Variants in FRS2 observed in about 807,000 individuals in gnomAD.
FRS2 encodes the protein fibroblast growth factor receptor substrate 2, also known as FGFR signalling adaptor.
A neutral mutation model predicts 43.9 loss-of-function variants in FRS2; 8 were observed. The ratio of observed to expected loss-of-function variants is 0.18; its 90% confidence interval spans 0.11 to 0.33. FRS2 has a LOEUF of 0.33. Ranked by LOEUF, FRS2 falls within the 10% of genes least tolerant of loss-of-function variation. The pLI is 1.00. For missense variants in FRS2, 534 were observed against 627.6 expected (o/e 0.85, Z 1.59); for synonymous variants, 219 against 220.3 (o/e 0.99, Z 0.05).
At chr12:69,543,691 A>C (rs1361893842) in intron 3 of FRS2, among the ~76,000 whole-genome samples, 1 of 152,204 alleles carries the variant, frequency 6.6e-6, no homozygotes, top group Non-Finnish European at 1.5e-5. Flanking sequence ...ACCTGAAGCA[A>C]GTGAAGGAGC....
chr12:69,506,290 C>T (rs1255365270), intron 1 of FRS2, among the ~76,000 whole-genome samples: 3 of 151,864 alleles, frequency 2.0e-5, no homozygotes, highest in Admixed American at 1.3e-4. Flanking sequence ...TGTTTTTTCC[C>T]CTATATCCCC....
chr12:69,488,951 G>A (rs1872206337), intron 1 of FRS2, among the ~76,000 whole-genome samples: 1 of 152,206 alleles, frequency 6.6e-6, no homozygotes, highest in Admixed American at 6.5e-5. Context: ...GCATTAGGGA[G>A]TGATTTATGG....
intron 1 of FRS2, among the ~76,000 whole-genome samples, chr12:69,507,309 C>T (rs1380404961): frequency 1.3e-5 from 2 of 152,088 alleles, no homozygotes; most frequent in Non-Finnish European, 2.9e-5. Context: ...AAATACTTGG[C>T]ATTTTTTTTG....
chr12:69,527,110 C>T (rs931828404), intron 1 of FRS2, among the ~76,000 whole-genome samples: 1 of 152,110 alleles, frequency 6.6e-6, no homozygotes, highest in East Asian at 1.9e-4. Context: ...TATGGAATAA[C>T]AATCAGTCAT....
chr12:69,470,618 G>A, intron 1 of FRS2, 88 bp downstream of exon 1: 1 of 354,120 alleles, frequency 2.8e-6, no homozygotes. Flanking sequence ...TTCGGGATCC[G>A]GGCTGAGGGC....
chr12:69,563,556 C>G (rs1229548725), intron 4 of FRS2, among the ~76,000 whole-genome samples: 1 of 152,140 alleles, frequency 6.6e-6, no homozygotes, highest in Admixed American at 6.5e-5. Flanking sequence ...GCCCTCTTAC[C>G]CTCTGACCGT....
intron 1 of FRS2, chr12:69,480,359 T>G (rs1370336634): frequency 6.6e-6 from 1 of 152,256 alleles, no homozygotes; most frequent in Non-Finnish European, 1.5e-5. Flanking sequence ...AGGTACTTCA[T>G]GTAAGTGGAA....
intron 1 of FRS2, among the ~76,000 whole-genome samples, chr12:69,485,309 A>G (rs1871815676): frequency 6.6e-6 from 1 of 151,724 alleles, no homozygotes; most frequent in Non-Finnish European, 1.5e-5. Context: ...CAGCCTCCCA[A>G]GTAGCTGGGA....
intron 3 of FRS2, among the ~76,000 whole-genome samples, chr12:69,550,011 A>G (rs1593035674): frequency 6.6e-6 from 1 of 152,080 alleles, no homozygotes; most frequent in South Asian, 2.1e-4. Context: ...GTATGCTTGG[A>G]TCCGTAAGTT....
intron 1 of FRS2, among the ~76,000 whole-genome samples, chr12:69,500,362 C>T (rs1329837490): frequency 6.6e-6 from 1 of 152,128 alleles, no homozygotes; most frequent in Non-Finnish European, 1.5e-5. Flanking sequence ...CCCACACATC[C>T]TAAAGTGGGG....
At chr12:69,539,042 C>G (rs934864809) in intron 3 of FRS2, among the ~76,000 whole-genome samples, 1 of 151,996 alleles carries the variant, frequency 6.6e-6, no homozygotes, top group Admixed American at 6.6e-5. Context: ...ATCCTAAATG[C>G]TTGGGATCAG....
intron 1 of FRS2, among the ~76,000 whole-genome samples, chr12:69,521,683 TG>T (rs1875659568): frequency 1.3e-5 from 2 of 152,170 alleles, no homozygotes; most frequent in African/African-American, 4.8e-5. Flanking sequence ...TGGTGCGATT[TG>T]GCTCACTGCA....
At chr12:69,548,591 A>C (rs1878614870) in intron 3 of FRS2, among the ~76,000 whole-genome samples, 1 of 152,186 alleles carries the variant, frequency 6.6e-6, no homozygotes, top group South Asian at 2.1e-4. Flanking sequence ...TGTAATATAT[A>C]ATTACTGTAT....
chr12:69,555,378 A>G (rs1278712203), intron 3 of FRS2, among the ~76,000 whole-genome samples: 2 of 152,028 alleles, frequency 1.3e-5, no homozygotes, highest in East Asian at 1.9e-4. Flanking sequence ...TATCATGAAC[A>G]TTTTGTCTTT....
Position 69,571,451 on chromosome 12 carries a change from C to A in FRS2, c.412+17C>A. ...CACCTACAAGTAAGTACCCCTTTTC[C>A]CTTTCACATTTTGAATAACAGACGT... On this transcript the variant is annotated intron_variant, in intron 7 of 8. Transcript: ENST00000549921. 6.3e-7 allele frequency: 1 copy of A among 1,595,546 alleles called. No individual in the cohort carries two copies.
intron 5 of FRS2, among the ~76,000 whole-genome samples, chr12:69,570,052 A>G (rs1176243950): frequency 1.3e-5 from 2 of 152,218 alleles, no homozygotes; most frequent in Non-Finnish European, 2.9e-5. Flanking sequence ...CAACAACCTT[A>G]GACCACACTT....
At chr12:69,560,316 C>G (rs996184825) in intron 3 of FRS2, among the ~76,000 whole-genome samples, 3 of 152,012 alleles carry the variant, frequency 2.0e-5, no homozygotes, top group African/African-American at 4.8e-5. Flanking sequence ...TTCATAGTAG[C>G]TCTGTGAAGT....
intron 3 of FRS2, among the ~76,000 whole-genome samples, chr12:69,554,344 T>A (rs1374290561): frequency 6.6e-6 from 1 of 152,214 alleles, no homozygotes; most frequent in Admixed American, 6.5e-5. Context: ...AGTCTCTTTT[T>A]GTGGGTTTAT....
chr12:69,531,297 T>C (rs892281051), intron 2 of FRS2, among the ~76,000 whole-genome samples: 1 of 150,384 alleles, frequency 6.6e-6, no homozygotes. Flanking sequence ...ACCACTGCAC[T>C]CCAGCCTGGG....
Sources: allele counts gnomAD v4.1 joint callset (sites outside exome capture counted in the v4.1 genomes callset), GRCh38; gene constraint gnomAD v4.1.1; transcripts MANE v1.5; gene names NCBI Gene and HGNC (gene_info 2026-07-23, HGNC 2026-07-21).